Variants in SCN10A observed in about 807,000 individuals in gnomAD.
The protein encoded by SCN10A is sodium channel protein type 10 subunit alpha.
A neutral mutation model predicts 170.7 loss-of-function variants in SCN10A; 162 were observed. The ratio of observed to expected loss-of-function variants is 0.95; its 90% confidence interval spans 0.84 to 1.08. The LOEUF is 1.08. SCN10A is among the 50% of genes least tolerant of loss of function. SCN10A has a pLI of 0.00. For missense variants in SCN10A, 2,527 were observed against 2,436.9 expected (o/e 1.04, Z -0.78); for synonymous variants, 985 against 904.6 (o/e 1.09, Z -1.59).
intron 17 of SCN10A, among the ~76,000 whole-genome samples, chr3:38,725,615 A>G (rs2063446238): frequency 6.6e-6 from 1 of 152,258 alleles, no homozygotes; most frequent in Non-Finnish European, 1.5e-5. Context: ...TGCATCATTC[A>G]GCTGTTTTGA....
chr3:38,810,766 C>A (rs2064436706), intron 1 of SCN10A, among the ~76,000 whole-genome samples: 1 of 152,144 alleles, frequency 6.6e-6, no homozygotes, highest in African/African-American at 2.4e-5. Context: ...TAGCACATAC[C>A]CCAAGCAGGT....
At chr3:38,748,625 T>G (rs2063716938) in intron 13 of SCN10A, among the ~76,000 whole-genome samples, 1 of 152,122 alleles carries the variant, frequency 6.6e-6, no homozygotes. Flanking sequence ...AAGATGGCTC[T>G]TCTCTCTCTA....
At chr3:38,790,550 G>T (rs2064268179) in intron 3 of SCN10A, among the ~76,000 whole-genome samples, 1 of 151,844 alleles carries the variant, frequency 6.6e-6, no homozygotes, top group South Asian at 2.1e-4. Context: ...TTGTATGTTT[G>T]TGATTTCTCT....
chr3:38,788,993 C>T lies in SCN10A; in HGVS notation c.433G>A (p.Val145Met). ...FITVTILVNC[V>M]CMTRTDLPEK... ...GGAAGGTCAGTTCGGGTCATGCACA[C>T]ACAATTAACCAAAATAGTGACCGTA... Residue 145 changes from valine (V) to methionine (M), a missense_variant, in exon 4 of 28, where the codon GTG becomes ATG. Physicochemically the swap from Val to Met is conservative, Grantham distance 21. Coordinates refer to ENST00000449082, the MANE Select transcript of SCN10A (RefSeq NM_006514.4). The T allele has an allele frequency of 6.2e-7, 1 of 1,612,272 alleles. No homozygotes were observed. Among genetic ancestry groups the T allele is most frequent in the Non-Finnish European group, 8.5e-7 (1 of 1,178,596 alleles).
intron 6 of SCN10A, 52 bp downstream of exon 6, chr3:38,763,453 G>A: frequency 1.5e-6 from 2 of 1,364,768 alleles, no homozygotes; most frequent in African/African-American, 1.4e-5. Flanking sequence ...GAAAATTAGA[G>A]AAGGGAGTTA....
intron 13 of SCN10A, among the ~76,000 whole-genome samples, 178 bp from the exon 14 acceptor site, chr3:38,742,707 A>G (rs2063647145): frequency 6.6e-6 from 1 of 152,004 alleles, no homozygotes; most frequent in African/African-American, 2.4e-5. Flanking sequence ...TAGTCCTGCA[A>G]CTCCAATTAA....
At chr3:38,709,131 G>A (rs1490163391) in intron 25 of SCN10A, among the ~76,000 whole-genome samples, 1 of 152,052 alleles carries the variant, frequency 6.6e-6, no homozygotes, top group African/African-American at 2.4e-5. Flanking sequence ...GTCCTTTGTG[G>A]GGATCATATC....
chr3:38,781,826 C>G (rs916297094), intron 4 of SCN10A, among the ~76,000 whole-genome samples: 1 of 151,888 alleles, frequency 6.6e-6, no homozygotes, highest in African/African-American at 2.4e-5. Flanking sequence ...TTTGGCATCT[C>G]TTATTTGCTT....
chr3:38,760,779 A>G (rs1203084519), intron 7 of SCN10A, 32 bp from the exon 8 acceptor site: 3 of 1,571,710 alleles, frequency 1.9e-6, no homozygotes, highest in African/African-American at 2.7e-5. Flanking sequence ...AGCCTCACAG[A>G]TGGTTCTGAA....
chr3:38,797,342 G>A (rs1484027283), intron 1 of SCN10A, among the ~76,000 whole-genome samples: 1 of 152,128 alleles, frequency 6.6e-6, no homozygotes, highest in Non-Finnish European at 1.5e-5. Flanking sequence ...AGTCCTGGGA[G>A]GAGCACTCAC....
intron 21 of SCN10A, among the ~76,000 whole-genome samples, chr3:38,718,327 C>A (rs1241693323): frequency 1.3e-5 from 2 of 152,150 alleles, no homozygotes; most frequent in Non-Finnish European, 2.9e-5. Flanking sequence ...TCCAGAAGAC[C>A]CATCTATGGA....
chr3:38,785,004 C>T (rs1276270894), intron 4 of SCN10A, among the ~76,000 whole-genome samples: 1 of 152,166 alleles, frequency 6.6e-6, no homozygotes, highest in Non-Finnish European at 1.5e-5. Context: ...AATGGAAAAA[C>T]ATTCCATGCT....
At chr3:38,717,829 T>C (rs2063348526) in intron 21 of SCN10A, among the ~76,000 whole-genome samples, 1 of 152,222 alleles carries the variant, frequency 6.6e-6, no homozygotes, top group Non-Finnish European at 1.5e-5. Context: ...AGTGAACAGA[T>C]AACTCAGTTA....
Position 38,702,025 on chromosome 3 carries a change from T to C in SCN10A, c.4471A>G (p.Ile1491Val). 6.2e-7 allele frequency: 1 copy of C among 1,613,394 alleles called. No homozygotes were observed. Among genetic ancestry groups the C allele is most frequent in the Non-Finnish European group, 8.5e-7 (1 of 1,179,640 alleles). Residue 1491 changes from isoleucine to valine, a missense_variant, in exon 27 of 28, where the codon ATC becomes GTC. Transcript: ENST00000449082. ...TCATCAGTCTCCACCATCATGGTGATCATGTTGAGGCAGATGAGGACCATG... is the reference window on the plus strand; with the variant it reads ...TCATCAGTCTCCACCATCATGGTGACCATGTTGAGGCAGATGAGGACCATG... The part of the protein sequence containing the change: ...TIMVLICLNM[I>V]TMMVETDDQS...
intron 17 of SCN10A, among the ~76,000 whole-genome samples, chr3:38,726,379 AG>A (rs1459015787): frequency 2.6e-5 from 4 of 152,194 alleles, no homozygotes; most frequent in African/African-American, 9.7e-5. Context: ...AAGCACCTCA[AG>A]GTGGCCTTTT....
intron 21 of SCN10A, 119 bp from the exon 22 acceptor site, chr3:38,714,199 G>C: frequency 8.2e-7 from 1 of 1,214,466 alleles, no homozygotes; most frequent in South Asian, 1.5e-5. Flanking sequence ...CATCATCCTA[G>C]CTCCCACCTT....
rs555649722 is a variant in SCN10A, at chr3:38,767,140, C to T, written c.600-3544G>A. 8.3e-4 allele frequency among the ~76,000 whole-genome samples: 126 copies of T among 151,664 alleles called. 1 individual carries two copies. Among genetic ancestry groups the T allele is most frequent in the South Asian group, 7.5e-3 (36 of 4,804 alleles). ...CTTCTCTCTTCTTTTCTTGGTTAAT[C>T]TTGCCAATGGTCAATCAATTTTCTA... On this transcript the variant is annotated intron_variant, in intron 5 of 27. Coordinates refer to ENST00000449082, the MANE Select transcript of SCN10A (RefSeq NM_006514.4).
intron 5 of SCN10A, among the ~76,000 whole-genome samples, chr3:38,768,389 T>G (rs543296358): frequency 1.3e-5 from 2 of 152,268 alleles, no homozygotes; most frequent in African/African-American, 4.8e-5. Flanking sequence ...AGGTTTTATT[T>G]CAAGATTTAG....
chr3:38,739,478 T>C, intron 15 of SCN10A, 37 bp downstream of exon 15: 2 of 1,591,658 alleles, frequency 1.3e-6, no homozygotes, highest in South Asian at 1.1e-5. Flanking sequence ...TGAATCTGGG[T>C]GGGAGTTTCC....
Sources: allele counts gnomAD v4.1 joint callset (sites outside exome capture counted in the v4.1 genomes callset), GRCh38; gene constraint gnomAD v4.1.1; transcripts MANE v1.5; gene names NCBI Gene and HGNC (gene_info 2026-07-23, HGNC 2026-07-21).